The following KLHL40 variants were observed in gnomAD, a reference collection of about 807,000 sequenced individuals.
KLHL40 encodes the protein kelch like family member 40, also known as kelch-like protein 40.
In KLHL40, 44 loss-of-function variants were observed where a neutral mutation model predicts 49.7. The observed-to-expected ratio is 0.89, with a 90% CI of 0.70 to 1.14. The LOEUF (loss-of-function observed/expected upper bound fraction) is 1.14, where lower values mean the gene tolerates loss of function less well. Among genes scored for constraint, KLHL40 ranks in the 50% most tolerant of loss-of-function variants. The probability of loss-of-function intolerance (pLI) is 0.00; values close to 1 mark genes in which losing one functional copy is unlikely to be tolerated. For missense variants in KLHL40, 892 were observed against 850.3 expected (o/e 1.05, Z -0.61); for synonymous variants, 409 against 365.2 (o/e 1.12, Z -1.37).
Position 42,688,107 on chromosome 3 carries a change from G to A in KLHL40, c.1153-35G>A, listed in dbSNP as rs200499418. ...GGGGCTGGGCTGAGGCTGGGGGAGT[G>A]GGGGGCGGTAGCTGACTGGACACCT... On this transcript the variant is annotated intron_variant, in intron 1 of 5. Transcript: ENST00000287777. The surrounding 1 kb of genome is among the most constrained non-coding windows in gnomAD (Gnocchi z 4.2). The A allele has an allele frequency of 1.7e-5, 27 of 1,612,862 alleles. No homozygotes were observed. Among genetic ancestry groups the A allele is most frequent in the East Asian group, 2.2e-5 (1 of 44,856 alleles).
At chr3:42,691,729 G>A (rs994250950) in intron 5 of KLHL40, among the ~76,000 whole-genome samples, 153 bp from the exon 6 acceptor site, 1 of 151,902 alleles carries the variant, frequency 6.6e-6, no homozygotes, top group Non-Finnish European at 1.5e-5. Context: ...TGGGTCTTGT[G>A]GGGGGTCTCC....
At position 42,692,015 on chromosome 3, in the gene KLHL40, A is replaced by G; in HGVS notation, c.*22A>G. 7.1e-7 allele frequency: 1 copy of G among 1,417,730 alleles called. No homozygotes were observed. The highest frequency in any genetic ancestry group is 1.2e-5 in the South Asian group (1 of 86,936). The allele number at this position is 1,417,730 out of a possible 1,614,324, so 87.8% of individuals were successfully genotyped here. Reference sequence around the variant, plus strand: ...GTGACCAGCTCAGGCAGACTGAACTAAGCACCCCTCCCATCCTGCGACCCT... The same window carrying G: ...GTGACCAGCTCAGGCAGACTGAACTGAGCACCCCTCCCATCCTGCGACCCT... On this transcript the variant is annotated 3_prime_UTR_variant, in exon 6 of 6. Coordinates refer to ENST00000287777, the MANE Select transcript of KLHL40 (RefSeq NM_152393.4).
chr3:42,689,323 A>G (rs1201979528), intron 4 of KLHL40, among the ~76,000 whole-genome samples: 1 of 152,122 alleles, frequency 6.6e-6, no homozygotes, highest in Non-Finnish European at 1.5e-5. Context: ...GGCCTGGTGC[A>G]AGGGATATAG....
At chr3:42,687,191 C>T (rs755021953) in intron 1 of KLHL40, among the ~76,000 whole-genome samples, 12 of 152,196 alleles carry the variant, frequency 7.9e-5, no homozygotes, top group Non-Finnish European at 1.5e-4. Flanking sequence ...GATGAGGAAA[C>T]TGAGGCCCAG....
chr3:42,690,740 TG>T, intron 4 of KLHL40, 118 bp from the exon 5 acceptor site: 1 of 1,062,898 alleles, frequency 9.4e-7, no homozygotes, highest in Non-Finnish European at 1.4e-6. Flanking sequence ...GTTGGGGGCA[TG>T]GGTGCCTGGG....
In KLHL40 at chr3:42,688,047, G is replaced by T; in HGVS notation, c.1153-95G>T. 4 of 1,509,428 alleles carry T rather than the reference G, an allele frequency of 2.7e-6. No individual in the cohort carries two copies. The South Asian group carries it at 3.5e-5, about 13-fold the overall frequency. The allele number at this position is 1,509,428 out of a possible 1,614,324, so 93.5% of individuals were successfully genotyped here. Reference sequence around the variant, plus strand: ...CTGTATTGGCCCTACCTGGGTTCCCGACCTCCTCCGTGATCTGGGGCAGTG... The same window carrying T: ...CTGTATTGGCCCTACCTGGGTTCCCTACCTCCTCCGTGATCTGGGGCAGTG... On this transcript the variant is annotated intron_variant, in intron 1 of 5. Coordinates refer to ENST00000287777, the MANE Select transcript of KLHL40 (RefSeq NM_152393.4). This position sits in a 1 kb window ranked among gnomAD's most constrained non-coding sequence, Gnocchi z 4.2.
rs138171438 is a variant in KLHL40 at position 42,686,167 on chromosome 3, C to T, written c.549C>T (p.Ser183=). The part of the protein sequence containing the change: ...SADELIAIIS[S]DGLNVEKEEA... ...ACGAGCTCATCGCCATCATCTCCAG[C>T]GACGGCCTTAACGTGGAGAAGGAGG... Residue 183 remains serine, a synonymous_variant, in exon 1 of 6, where the codon AGC becomes AGT. Coordinates refer to ENST00000287777, the MANE Select transcript of KLHL40 (RefSeq NM_152393.4). 63 of 1,590,996 alleles carry T rather than the reference C, an allele frequency of 4.0e-5. No homozygotes were observed. Among genetic ancestry groups the T allele is most frequent in the Non-Finnish European group, 4.8e-5 (56 of 1,173,434 alleles).
intron 1 of KLHL40, among the ~76,000 whole-genome samples, chr3:42,687,754 G>A (rs541145533): frequency 6.6e-6 from 1 of 152,200 alleles, no homozygotes; most frequent in East Asian, 1.9e-4. Context: ...TTTACAGGGC[G>A]AAAAGGCAGG....
intron 5 of KLHL40, among the ~76,000 whole-genome samples, chr3:42,691,211 T>C (rs574013778): frequency 6.6e-6 from 1 of 152,124 alleles, no homozygotes; most frequent in Non-Finnish European, 1.5e-5. Flanking sequence ...CTTGCACAGA[T>C]GACACCATGC....
chr3:42,690,841 C>T lies in KLHL40; in HGVS notation c.1608-18C>T, dbSNP rs759460763. Reference sequence around the variant, plus strand: ...TTGCCGAGGCATCCCAATGATGCACCTTCTCACACACCCCCAGGTGGGCAC... The same window carrying T: ...TTGCCGAGGCATCCCAATGATGCACTTTCTCACACACCCCCAGGTGGGCAC... On this transcript the variant is annotated intron_variant, in intron 4 of 5. Transcript: ENST00000287777. 2 of 1,579,648 alleles carry T rather than the reference C, an allele frequency of 1.3e-6. No homozygotes were observed. The highest frequency in any genetic ancestry group is 1.7e-6 in the Non-Finnish European group (2 of 1,162,732).
chr3:42,688,798 G>C lies in KLHL40; in HGVS notation c.1422-71G>C, dbSNP rs562013353. 1.9e-6 allele frequency: 3 copies of C among 1,580,642 alleles called. No individual in the cohort carries two copies. The highest frequency in any genetic ancestry group is 1.1e-5 in the South Asian group (1 of 90,496). ...GTCAGGGGTTTGTCCTGGCTGCCCCGGCAGGTGATTGCAGGGAGGCGTGGC... is the reference window on the plus strand; with the variant it reads ...GTCAGGGGTTTGTCCTGGCTGCCCCCGCAGGTGATTGCAGGGAGGCGTGGC... On this transcript the variant is annotated intron_variant, in intron 3 of 5. Transcript: ENST00000287777. This position sits in a 1 kb window ranked among gnomAD's most constrained non-coding sequence, Gnocchi z 4.2.
At position 42,685,859 on chromosome 3, in the gene KLHL40, G is replaced by C. The variant is rs754743954; in HGVS notation, c.241G>C (p.Val81Leu). 2 of 1,613,134 alleles carry C rather than the reference G, an allele frequency of 1.2e-6. No individual in the cohort carries two copies. Among genetic ancestry groups the C allele is most frequent in the Non-Finnish European group, 1.7e-6 (2 of 1,179,970 alleles). The change falls in exon 1 of 6, where the codon GTG becomes CTG. Residue 81 changes from valine to leucine, a missense_variant. Val to Leu is a conservative substitution (Grantham distance 32, BLOSUM62 1). Coordinates refer to ENST00000287777, the MANE Select transcript of KLHL40 (RefSeq NM_152393.4). ...GCACCTGGAGGAGGTGTCCCCGGAC[G>C]TGGTGGCCCAGGTGCTGCACTACCT... ...ELHLEEVSPD[V>L]VAQVLHYLYT... is the part of the protein sequence containing the mutation.
chr3:42,691,015 A>C lies in KLHL40; in HGVS notation c.1754+10A>C. ...TCAATGACATCTGGAGGTGAGTCCC[A>C]CCCTGGGGAGGCAAGGGGGCATCAT... On this transcript the variant is annotated intron_variant, in intron 5 of 5. Coordinates refer to ENST00000287777, the MANE Select transcript of KLHL40 (RefSeq NM_152393.4). 3.8e-6 allele frequency: 6 copies of C among 1,597,788 alleles called. No homozygotes were observed. The highest frequency in any genetic ancestry group is 5.1e-6 in the Non-Finnish European group (6 of 1,170,924).
Position 42,691,967 on chromosome 3 carries a change from A to G in KLHL40, c.1840A>G (p.Asn614Asp), listed in dbSNP as rs1185738373. 6.2e-7 allele frequency: 1 copy of G among 1,611,708 alleles called. No individual in the cohort carries two copies. Among genetic ancestry groups the G allele is most frequent in the African/African-American group, 1.3e-5 (1 of 74,988 alleles). Residue 614 changes from asparagine (N) to aspartate (D), a missense_variant, in exon 6 of 6, where the codon AAT (asparagine) becomes GAT (aspartate). Physicochemically the swap from Asn to Asp is conservative, Grantham distance 23. Coordinates refer to ENST00000287777, the MANE Select transcript of KLHL40 (RefSeq NM_152393.4). ...TGCCACCTTCCTACCAGTGCGGCTC[A>G]ATGTGCTGTGCCTGACTAAGATGTG... is the stretch of plus-strand genomic sequence containing the variant. ...AGATFLPVRL[N>D]VLCLTKM
chr3:42,686,669 C>T lies in KLHL40; in HGVS notation c.1051C>T (p.His351Tyr). 5 of 1,613,948 alleles carry T rather than the reference C, an allele frequency of 3.1e-6. No individual in the cohort carries two copies. Among genetic ancestry groups the T allele is most frequent in the Non-Finnish European group, 4.2e-6 (5 of 1,180,032 alleles). ...CCTCTCCAACCAGGTCCCCAAGAAC[C>T]ACGTCAGCCTGGTTACCAAGGAGAA... ...ASLSNQVPKN[H>Y]VSLVTKENQV... The change falls in exon 1 of 6, where the codon CAC becomes TAC. Residue 351 changes from histidine (H) to tyrosine (Y), a missense_variant. By Grantham distance (83) the His-to-Tyr change is moderately conservative (BLOSUM62 2). Coordinates refer to ENST00000287777, the MANE Select transcript of KLHL40 (RefSeq NM_152393.4).
intron 5 of KLHL40, among the ~76,000 whole-genome samples, chr3:42,691,362 A>G (rs1337837431): frequency 6.6e-6 from 1 of 152,108 alleles, no homozygotes; most frequent in African/African-American, 2.4e-5. Flanking sequence ...GAGGGCTGCC[A>G]CTAGGGCTGG....
Position 42,686,732 on chromosome 3 carries a change from G to C in KLHL40, c.1114G>C (p.Asp372His). 1 of 1,612,940 alleles carries C rather than the reference G, an allele frequency of 6.2e-7. No homozygotes were observed. Among genetic ancestry groups the C allele is most frequent in the Non-Finnish European group, 8.5e-7 (1 of 1,179,844 alleles). ...GGCTGGAGGCCTCTTCTACAACGAAGACAACAAAGAGGACCCCATGAGCGC... is the reference window on the plus strand; with the variant it reads ...GGCTGGAGGCCTCTTCTACAACGAACACAACAAAGAGGACCCCATGAGCGC... ...FVAGGLFYNE[D>H]NKEDPMSAYF... The change falls in exon 1 of 6, where the codon GAC (aspartate) becomes CAC (histidine). Residue 372 changes from aspartate (D) to histidine (H), a missense_variant. Coordinates refer to ENST00000287777, the MANE Select transcript of KLHL40 (RefSeq NM_152393.4).
Position 42,686,729 on chromosome 3 carries a change from G to GAAGACAACA in KLHL40, c.1116_1124dup (p.Asp372_Lys374dup). The GAAGACAACA allele has an allele frequency of 6.2e-7, 1 of 1,613,070 alleles. No individual in the cohort carries two copies. Among genetic ancestry groups the GAAGACAACA allele is most frequent in the Non-Finnish European group, 8.5e-7 (1 of 1,179,906 alleles). ...CGTGGCTGGAGGCCTCTTCTACAAC[G>GAAGACAACA]AAGACAACAAAGAGGACCCCATGAG... On this transcript the variant is annotated inframe_insertion, in exon 1 of 6. Transcript: ENST00000287777.
Position 42,691,849 on chromosome 3 carries a change from T to C in KLHL40, c.1755-33T>C, listed in dbSNP as rs4533620. The C allele has an allele frequency of 0.045, 63,039 of 1,413,642 alleles. 1,617 individuals are homozygous for C. Among genetic ancestry groups the C allele is most frequent in the Middle Eastern group, 0.092 (523 of 5,680 alleles). The allele number at this position is 1,413,642 out of a possible 1,614,324, so 87.6% of individuals were successfully genotyped here. A position where few individuals can be genotyped will look rare whatever the true frequency, so the allele number is the denominator to read the frequency against. ...ACTCTGGACTCAGCTGACCAAGCTC[T>C]CCATCCTTGTCCCCACTCTCTCTCA... On this transcript the variant is annotated intron_variant, in intron 5 of 5. Coordinates refer to ENST00000287777, the MANE Select transcript of KLHL40 (RefSeq NM_152393.4).
Sources: gnomAD v4.1 joint callset for allele counts (sites outside exome capture counted in the v4.1 genomes callset) on GRCh38, gnomAD v4.1.1 for gene constraint, Gnocchi (gnomAD v3.1) non-coding constraint, MANE v1.5 for transcripts, NCBI Gene and HGNC (gene_info 2026-07-23, HGNC 2026-07-21) for gene names.